The following DMKN variants were observed in gnomAD, a reference collection of about 807,000 sequenced individuals.
DMKN encodes the protein dermokine.
A neutral mutation model predicts 67.6 loss-of-function variants in DMKN; 58 were observed. The observed-to-expected ratio is 0.86, with a 90% confidence interval of 0.69 to 1.07. The LOEUF (loss-of-function observed/expected upper bound fraction) is 1.07, where lower values mean the gene tolerates loss of function less well. Ranked by LOEUF, DMKN falls within the 50% of genes least tolerant of loss-of-function variation. DMKN has a pLI of 0.00. For missense variants in DMKN, 596 were observed against 601.5 expected (o/e 0.99, Z 0.10); for synonymous variants, 240 against 232.3 (o/e 1.03, Z -0.30).
intron 7 of DMKN, chr19:35,508,459 A>G (rs1299668726): frequency 1.9e-6 from 1 of 514,016 alleles, no homozygotes; most frequent in African/African-American, 2.0e-5. Context: ...AGAGGTAGAT[A>G]GTAACATACT....
intron 7 of DMKN, chr19:35,507,286 C>T (rs1599960431): frequency 1.8e-6 from 1 of 554,968 alleles, no homozygotes; most frequent in East Asian, 3.0e-5. Context: ...ATGAATGAAC[C>T]AAAGATGGAG....
intron 9 of DMKN, 130 bp downstream of exon 9, chr19:35,505,588 T>G: frequency 4.3e-6 from 5 of 1,153,496 alleles, no homozygotes; most frequent in Non-Finnish European, 6.3e-6. Context: ...CCCCAGTGTG[T>G]TTAGTTTTTG....
At chr19:35,512,293 C>A in intron 3 of DMKN, 128 bp downstream of exon 3, 1 of 1,313,622 alleles carries the variant, frequency 7.6e-7, no homozygotes, top group Non-Finnish European at 1.0e-6. Context: ...CCACCTCGCC[C>A]AGCCCCATCT....
chr19:35,501,070 A>G (rs891181046), intron 11 of DMKN, among the ~76,000 whole-genome samples: 3 of 152,218 alleles, frequency 2.0e-5, no homozygotes, highest in African/African-American at 7.2e-5. Context: ...AGAGAAATAC[A>G]AGAAAACAGA....
At chr19:35,505,271 T>G (rs1424365361) in intron 9 of DMKN, among the ~76,000 whole-genome samples, 1 of 152,068 alleles carries the variant, frequency 6.6e-6, no homozygotes, top group Non-Finnish European at 1.5e-5. Flanking sequence ...AGCTGTGTTT[T>G]TGTTTGTGCG....
At position 35,513,126 on chromosome 19, in the gene DMKN, G is replaced by C. The variant is rs201454952; in HGVS notation, c.350C>G (p.Ala117Gly). Residue 117 changes from alanine (A) to glycine (G), a missense_variant, in exon 1 of 16, where the codon GCA becomes GGA. Ala to Gly is a moderately conservative substitution (Grantham distance 60). Coordinates refer to ENST00000339686, the MANE Select transcript of DMKN (RefSeq NM_033317.5). ...GNTGHEIGRQ[A>G]EDVIRHGADA... ...TGCTCCGTGTCGAATGACATCTTCT[G>C]CCTGTCTGCCAATCTCGTGCCCAGT... 1.9e-6 allele frequency: 3 copies of C among 1,614,150 alleles called. No individual in the cohort carries two copies. In the African/African-American group the frequency reaches 4.0e-5, roughly 22 times the overall value.
At chr19:35,508,875 G>T (rs1305771219) in intron 7 of DMKN, among the ~76,000 whole-genome samples, 1 of 152,120 alleles carries the variant, frequency 6.6e-6, no homozygotes. Context: ...TAGAGGAAAA[G>T]ATGGCTGCTT....
At position 35,513,039 on chromosome 19, in the gene DMKN, C is replaced by G; in HGVS notation, c.426+11G>C. 1.2e-6 allele frequency: 2 copies of G among 1,612,056 alleles called. No homozygotes were observed. Among genetic ancestry groups the G allele is most frequent in the Non-Finnish European group, 1.7e-6 (2 of 1,179,272 alleles). On this transcript the variant is annotated intron_variant, in intron 1 of 15. Transcript: ENST00000339686. ...CCTCCCATTTCCACATGCAGCCCCA[C>G]AGCCACTCACCCAAGCACCATTGTG...
chr19:35,500,578 A>T lies in DMKN; in HGVS notation c.1242T>A (p.Gly414=). 3 of 1,606,964 alleles carry T rather than the reference A, an allele frequency of 1.9e-6. No individual in the cohort carries two copies. The South Asian group carries it at 3.3e-5, about 18-fold the overall frequency. Residue 414 remains glycine (G), a splice_region_variant and synonymous_variant, in exon 12 of 16, where the codon GGT becomes GGA. Coordinates refer to ENST00000339686, the MANE Select transcript of DMKN (RefSeq NM_033317.5). ...GTTTCTGCAGTGATGACGCGTCCGC[A>T]CCCTGAAAGGAAGAAGGGGCCACAG... The part of the protein sequence containing the change: ...PFLNWKAIIE[G]ADASSLQKRA...
intron 7 of DMKN, chr19:35,508,478 A>C: frequency 2.3e-6 from 1 of 436,170 alleles, no homozygotes. Flanking sequence ...CTCTAAAGCT[A>C]CCATAAATAA....
rs760760139 is a variant in DMKN, at chr19:35,511,819, G to A, written c.685-6C>T. On this transcript the variant is annotated splice_polypyrimidine_tract_variant and splice_region_variant and intron_variant, in intron 3 of 15. Coordinates refer to ENST00000339686, the MANE Select transcript of DMKN (RefSeq NM_033317.5). ...GATGGTGGGGGATTCGTGCACTGTC[G>A]AGGGAAAGGGATGGTGAGTTTGGGG... is the stretch of plus-strand genomic sequence containing the variant. 1.4e-5 allele frequency: 23 copies of A among 1,611,708 alleles called. No homozygotes were observed. The highest frequency in any genetic ancestry group is 7.7e-5 in the South Asian group (7 of 90,656).
chr19:35,500,256 ACTCCTC>A lies in DMKN; in HGVS notation c.1288-233_1288-228del, dbSNP rs1259690494. Reference sequence around the variant, plus strand: ...CAAATGGCCGCCGCCTCCTCCTCCTACTCCTCCTCCTGCCCTCAAGACCTCTGCCAA... The same window carrying A: ...CAAATGGCCGCCGCCTCCTCCTCCTACTCCTGCCCTCAAGACCTCTGCCAA... On this transcript the variant is annotated intron_variant, in intron 12 of 15. Coordinates refer to ENST00000339686, the MANE Select transcript of DMKN (RefSeq NM_033317.5). The A allele has an allele frequency of 2.9e-6, 4 of 1,382,236 alleles. No individual in the cohort carries two copies. In the Admixed American group the frequency reaches 8.6e-5, roughly 30 times the overall value. 85.6% of individuals were successfully genotyped at this position (1,382,236 alleles called of 1,614,324 possible).
At chr19:35,501,299 T>C (rs914726984) in intron 11 of DMKN, among the ~76,000 whole-genome samples, 8 of 152,178 alleles carry the variant, frequency 5.3e-5, no homozygotes, top group African/African-American at 1.9e-4. Context: ...TAAACCCCAC[T>C]GCAAGCCCTA....
rs1046269134 is a variant in DMKN at position 35,513,234 on chromosome 19, G to A, written c.242C>T (p.Thr81Ile). The change falls in exon 1 of 16, where the codon ACT (threonine) becomes ATT (isoleucine). Residue 81 changes from threonine (T) to isoleucine (I), a missense_variant. Transcript: ENST00000339686. ...AAAGCCTGGAACCTGCCTGACTCCA[G>A]TGCCAACTGCTTCTCTGGTCCCTTG... ...LGQGTREAVG[T>I]GVRQVPGFGV... 5.6e-6 allele frequency: 9 copies of A among 1,614,112 alleles called. No homozygotes were observed. The highest frequency in any genetic ancestry group is 1.3e-5 in the African/African-American group (1 of 74,942).
intron 12 of DMKN, 160 bp downstream of exon 12, chr19:35,500,373 C>T: frequency 1.3e-6 from 2 of 1,551,744 alleles, no homozygotes. Flanking sequence ...TGGTAGATGT[C>T]TCACCTTGGA....
intron 11 of DMKN, chr19:35,501,858 G>GCCAGGTCC (rs1410541891): frequency 6.3e-7 from 1 of 1,585,004 alleles, no homozygotes; most frequent in African/African-American, 1.3e-5. Context: ...GCCAGGCCCA[G>GCCAGGTCC]CAGGAGCAGG....
At position 35,513,420 on chromosome 19, in the gene DMKN, C is replaced by T. The variant is rs2071117716; in HGVS notation, c.56G>A (p.Gly19Glu). The T allele has an allele frequency of 6.2e-7, 1 of 1,604,090 alleles. No individual in the cohort carries two copies. The highest frequency in any genetic ancestry group is 8.5e-7 in the Non-Finnish European group (1 of 1,179,948). ...CLLLALCLGS[G>E]EAGPLQSGEE... The stretch of plus-strand genomic sequence containing the variant: ...TCCGCTCTGCAGGGGGCCAGCCTCC[C>T]CACTGCCCAGGCAGAGGGCCAGCAG... Residue 19 changes from glycine (G) to glutamate (E), a missense_variant, in exon 1 of 16, where the codon GGG becomes GAG. Coordinates refer to ENST00000339686, the MANE Select transcript of DMKN (RefSeq NM_033317.5).
chr19:35,506,180 T>C, intron 7 of DMKN, 194 bp from the exon 8 acceptor site: 1 of 1,523,102 alleles, frequency 6.6e-7, no homozygotes, highest in African/African-American at 1.4e-5. Flanking sequence ...AGCTCGACCC[T>C]TGCCCCTGGG....
chr19:35,510,589 C>A (rs1394590730), intron 5 of DMKN: 6 of 1,486,966 alleles, frequency 4.0e-6, no homozygotes, highest in Non-Finnish European at 5.4e-6. Context: ...GACCCTAGAG[C>A]CCTCACCTGG....
Sources: allele counts gnomAD v4.1 joint callset (sites outside exome capture counted in the v4.1 genomes callset), GRCh38; gene constraint gnomAD v4.1.1; transcripts MANE v1.5; gene names NCBI Gene and HGNC (gene_info 2026-07-23, HGNC 2026-07-21).